Variants in MFSD11 observed in about 807,000 individuals in gnomAD.
MFSD11 encodes the protein UNC93-like protein MFSD11.
Under a neutral mutation model 53.5 loss-of-function variants are expected in MFSD11, and 36 were observed. The observed-to-expected ratio is 0.67, with a 90% confidence interval of 0.52 to 0.89. The LOEUF is 0.89. MFSD11 is among the 40% of genes least tolerant of loss of function. The pLI is 0.00. For synonymous variants in MFSD11, 186 were observed against 184.9 expected, an observed-to-expected ratio of 1.01 and a Z score of -0.05; for missense variants, 530 against 543.9, an observed-to-expected ratio of 0.97 and a Z score of 0.25.
chr17:76,775,837 C>T (rs116269437), intron 11 of MFSD11, among the ~76,000 whole-genome samples: 1 of 152,174 alleles, frequency 6.6e-6, no homozygotes, highest in Admixed American at 6.5e-5. Flanking sequence ...ATTTGAAACA[C>T]TTCTGGTCTT....
the MFSD11 span, among the ~76,000 whole-genome samples, chr17:76,791,405 T>C: frequency 6.7e-6 from 1 of 149,548 alleles, no homozygotes; most frequent in East Asian, 1.9e-4. Flanking sequence ...TGTTTAACTT[T>C]TTTTTTTAAA....
At chr17:76,736,691 C>G, upstream of MFSD11, 1 of 1,291,008 alleles carries the variant, frequency 7.7e-7, no homozygotes, top group South Asian at 2.0e-5. Flanking sequence ...CGTGCACCCC[C>G]GCCCCGTCCG....
chr17:76,754,529 A>G (rs2079379823), intron 8 of MFSD11, among the ~76,000 whole-genome samples: 1 of 151,886 alleles, frequency 6.6e-6, no homozygotes, highest in Non-Finnish European at 1.5e-5. Flanking sequence ...CTAAAAATAT[A>G]AAAAATTTGC....
At chr17:76,770,576 G>T (rs1313035126) in intron 10 of MFSD11, among the ~76,000 whole-genome samples, 4 of 152,082 alleles carry the variant, frequency 2.6e-5, no homozygotes, top group Admixed American at 2.6e-4. Context: ...CAGGTTTAAG[G>T]GTTCAGTCCT....
the MFSD11 span, among the ~76,000 whole-genome samples, chr17:76,793,110 G>A: frequency 7.0e-3 from 1,066 of 151,464 alleles, 75 homozygotes; most frequent in African/African-American, 0.025. Context: ...ATGAAGTTTC[G>A]GGCACGCATT....
At chr17:76,743,248 C>A (rs2078258428) in intron 5 of MFSD11, 150 bp from the exon 6 acceptor site, 2 of 505,658 alleles carry the variant, frequency 4.0e-6, no homozygotes, top group Non-Finnish European at 6.7e-6. Flanking sequence ...GAAGCTGATA[C>A]TTTTAAATGA....
chr17:76,747,021 T>TGC (rs1446826474), intron 7 of MFSD11, among the ~76,000 whole-genome samples: 1 of 151,320 alleles, frequency 6.6e-6, no homozygotes, highest in Admixed American at 6.6e-5. Context: ...AGATTCCTCC[T>TGC]GCCTCAGCCT....
chr17:76,784,987 C>T (rs568954747), downstream of MFSD11, among the ~76,000 whole-genome samples: 53 of 152,306 alleles, frequency 3.5e-4, no homozygotes, highest in African/African-American at 1.2e-3. Flanking sequence ...GGCATATACA[C>T]AAAATAGTTG....
At chr17:76,770,442 C>T (rs989684722) in intron 10 of MFSD11, among the ~76,000 whole-genome samples, 5 of 152,160 alleles carry the variant, frequency 3.3e-5, no homozygotes, top group Non-Finnish European at 5.9e-5. Flanking sequence ...ACTTTTCCTC[C>T]TAAAATATTT....
At chr17:76,736,770 C>G, upstream of MFSD11, 1 of 1,401,958 alleles carries the variant, frequency 7.1e-7, no homozygotes, top group Non-Finnish European at 9.2e-7. Context: ...CCCCGCCCCG[C>G]CTCCCGCGGT....
chr17:76,736,897 T>C (rs1192010021), upstream of MFSD11: 3 of 1,612,016 alleles, frequency 1.9e-6, no homozygotes, highest in African/African-American at 1.3e-5. Flanking sequence ...AGCGCGCCAT[T>C]TGCACCCGCA....
At chr17:76,774,911 A>G (rs748445876) in intron 10 of MFSD11, 86 bp from the exon 11 acceptor site, 19 of 1,357,958 alleles carry the variant, frequency 1.4e-5, no homozygotes, top group Non-Finnish European at 1.8e-5. Flanking sequence ...GAGAATGTTT[A>G]TTCCTTGGCT....
intron 8 of MFSD11, chr17:76,767,183 A>G: frequency 2.1e-6 from 1 of 474,846 alleles, no homozygotes; most frequent in Admixed American, 4.2e-5. Context: ...CATCTGTAGA[A>G]TGTATTTAAG....
At chr17:76,774,632 T>A (rs2081649652) in intron 10 of MFSD11, among the ~76,000 whole-genome samples, 1 of 152,214 alleles carries the variant, frequency 6.6e-6, no homozygotes. Flanking sequence ...TTCAGTGTGA[T>A]ACCTTGGCTT....
At chr17:76,737,211 C>G (rs1394645833), upstream of MFSD11, 25 of 1,482,716 alleles carry the variant, frequency 1.7e-5, no homozygotes, top group African/African-American at 2.8e-5. Flanking sequence ...GCTTCCTCAG[C>G]TCTGGGCGGT....
chr17:76,801,848 C>G, the MFSD11 span, among the ~76,000 whole-genome samples: 2 of 152,100 alleles, frequency 1.3e-5, no homozygotes, highest in Non-Finnish European at 2.9e-5. Flanking sequence ...TCTTGTGATA[C>G]CAGTCCTGCT....
At chr17:76,797,188 AAAAAG>A in the MFSD11 span, among the ~76,000 whole-genome samples, 2 of 151,992 alleles carry the variant, frequency 1.3e-5, no homozygotes, top group South Asian at 2.1e-4. Context: ...AGAAAAAAGA[AAAAAG>A]AAAAGAAAGT....
In MFSD11 at chr17:76,754,362, CT is replaced by C. The variant is rs369848288; in HGVS notation, c.682+277del. Among the ~76,000 whole-genome samples, 127 of 152,246 alleles carry C rather than the reference CT, an allele frequency of 8.3e-4. No individual in the cohort carries two copies. In the South Asian group the frequency reaches 0.013, roughly 16 times the overall value. On this transcript the variant is annotated intron_variant, in intron 8 of 12. Coordinates refer to ENST00000685175, the MANE Select transcript of MFSD11 (RefSeq NM_001242532.5). ...TCAGGTTCTCCCTGAAGTTGAGAGT[CT>C]TCCTGGGATTTTTGCAGGGTAATTA...
At chr17:76,756,891 T>G (rs537119899) in intron 8 of MFSD11, among the ~76,000 whole-genome samples, 38 of 152,120 alleles carry the variant, frequency 2.5e-4, no homozygotes, top group African/African-American at 9.2e-4. Flanking sequence ...TACCCATTAT[T>G]GATCACAGAG....
Sources: gnomAD v4.1 joint callset for allele counts (sites outside exome capture counted in the v4.1 genomes callset) on GRCh38, gnomAD v4.1.1 for gene constraint, MANE v1.5 for transcripts, NCBI Gene and HGNC (gene_info 2026-07-23, HGNC 2026-07-21) for gene names.